The following ELMOD1 variants were observed in gnomAD, a reference collection of about 807,000 sequenced individuals.
The protein encoded by ELMOD1 is ELMO domain containing 1, also known as ELMO domain-containing protein 1.
In ELMOD1, 21 loss-of-function variants were observed where a neutral mutation model predicts 46.7. That is an observed-to-expected ratio of 0.45 (90% CI 0.32 to 0.65). ELMOD1 has a LOEUF of 0.65. Ranked by LOEUF, ELMOD1 falls within the 30% of genes least tolerant of loss-of-function variation. ELMOD1 has a pLI of 0.04. For synonymous variants in ELMOD1, 122 were observed against 138.2 expected (o/e 0.88, Z 0.82); for missense variants, 348 against 407.8 (o/e 0.85, Z 1.26).
intron 2 of ELMOD1, chr11:107,625,487 C>T (rs146199784): frequency 3.3e-4 from 323 of 985,394 alleles, no homozygotes; most frequent in Middle Eastern, 5.2e-4. Context: ...CAAAAGAAGA[C>T]GTCAGAGTCA....
chr11:107,640,984 C>T (rs1267973693), intron 6 of ELMOD1, among the ~76,000 whole-genome samples: 2 of 152,112 alleles, frequency 1.3e-5, no homozygotes, highest in Non-Finnish European at 2.9e-5. Flanking sequence ...TACAATATTT[C>T]TTCAGTCCTA....
intron 1 of ELMOD1, chr11:107,591,873 G>A (rs778948403): frequency 6.2e-6 from 3 of 484,492 alleles, no homozygotes; most frequent in African/African-American, 5.9e-5. Context: ...CGGGCTGCGG[G>A]GCCGCCGGAC....
intron 2 of ELMOD1, among the ~76,000 whole-genome samples, chr11:107,628,741 C>T (rs1866087404): frequency 6.6e-6 from 1 of 151,330 alleles, no homozygotes; most frequent in Non-Finnish European, 1.5e-5. Flanking sequence ...TCATTTTATA[C>T]ATCATAATTT....
chr11:107,661,140 G>C (rs1183854986), intron 11 of ELMOD1, among the ~76,000 whole-genome samples: 8 of 152,192 alleles, frequency 5.3e-5, no homozygotes. Flanking sequence ...TAGAGAAAGA[G>C]AGTCCCAGGG....
At chr11:107,664,379 T>G (rs920599051) in intron 11 of ELMOD1, among the ~76,000 whole-genome samples, 16 of 152,192 alleles carry the variant, frequency 1.1e-4, no homozygotes, top group Non-Finnish European at 1.9e-4. Flanking sequence ...ATCAAATACT[T>G]AACATTTATT....
Position 107,591,153 on chromosome 11 carries a change from C to T in ELMOD1, c.-342C>T, listed in dbSNP as rs1332479115. 2 of 153,468 alleles carry T rather than the reference C, an allele frequency of 1.3e-5. No individual in the cohort carries two copies. Among genetic ancestry groups the T allele is most frequent in the Non-Finnish European group, 2.9e-5 (2 of 69,174 alleles). 9.5% of individuals were successfully genotyped at this position (153,468 alleles called of 1,614,324 possible). A position where few individuals can be genotyped will look rare whatever the true frequency, so the allele number is the denominator to read the frequency against. On this transcript the variant is annotated 5_prime_UTR_variant, in exon 1 of 12. Transcript: ENST00000265840. ...GCCCTCCCCCGCTGCTCTCGGTCGC[C>T]TCCTCGCCGCCAGCCGCCCCGGGTG...
chr11:107,592,461 C>G (rs1221896964), intron 1 of ELMOD1: 1 of 534,206 alleles, frequency 1.9e-6, no homozygotes, highest in Non-Finnish European at 3.9e-6. Flanking sequence ...GGTGGCTTGA[C>G]AACCGTCCTT....
intron 2 of ELMOD1, chr11:107,625,422 T>C (rs1866024318): frequency 1.0e-6 from 1 of 984,634 alleles, no homozygotes; most frequent in African/African-American, 1.7e-5. Context: ...GAATTAACTT[T>C]CATTAGCACA....
intron 1 of ELMOD1, among the ~76,000 whole-genome samples, chr11:107,614,529 G>C (rs553155381): frequency 6.6e-6 from 1 of 152,120 alleles, no homozygotes; most frequent in Non-Finnish European, 1.5e-5. Flanking sequence ...AGTACAGACA[G>C]GGTTTCACCA....
intron 11 of ELMOD1, 63 bp from the exon 12 acceptor site, chr11:107,664,962 T>C: frequency 6.7e-7 from 1 of 1,482,618 alleles, no homozygotes; most frequent in Non-Finnish European, 9.2e-7. Context: ...TTCAGAATGA[T>C]TTTGAATGTG....
chr11:107,663,155 A>T (rs192174530), intron 11 of ELMOD1, among the ~76,000 whole-genome samples: 1 of 152,206 alleles, frequency 6.6e-6, no homozygotes, highest in Non-Finnish European at 1.5e-5. Flanking sequence ...GACAGAGGAG[A>T]TGGCTTCTGG....
At chr11:107,660,716 ATC>A (rs1386148259) in intron 11 of ELMOD1, among the ~76,000 whole-genome samples, 1 of 152,194 alleles carries the variant, frequency 6.6e-6, no homozygotes, top group Non-Finnish European at 1.5e-5. Flanking sequence ...GAGATGTAAT[ATC>A]TGTGTTACCT....
intron 5 of ELMOD1, 79 bp downstream of exon 5, chr11:107,631,756 C>CT (rs981637190): frequency 1.4e-3 from 929 of 656,482 alleles, no homozygotes; most frequent in South Asian, 2.8e-3. Flanking sequence ...TGTCTCCTCT[C>CT]TTTTTTTTTC....
chr11:107,665,260 C>A lies in ELMOD1; in HGVS notation c.*63C>A. 1 of 1,538,292 alleles carries A rather than the reference C, an allele frequency of 6.5e-7. No homozygotes were observed. The highest frequency in any genetic ancestry group is 8.9e-7 in the Non-Finnish European group (1 of 1,127,304). ...GCCTCATTGTCTTGTTAGATCTCTG[C>A]TTAGGTCGCAGCTCACGCATTGAAT... On this transcript the variant is annotated 3_prime_UTR_variant, in exon 12 of 12. Transcript: ENST00000265840.
intron 1 of ELMOD1, chr11:107,592,408 C>G (rs892963347): frequency 1.9e-6 from 1 of 534,466 alleles, no homozygotes; most frequent in Non-Finnish European, 3.8e-6. Context: ...GGGCAGGCAT[C>G]CAGGCATTGT....
At chr11:107,598,990 A>G (rs1209334727) in intron 1 of ELMOD1, among the ~76,000 whole-genome samples, 1 of 152,220 alleles carries the variant, frequency 6.6e-6, no homozygotes, top group Non-Finnish European at 1.5e-5. Context: ...AAAGGCACAA[A>G]AGGAAATGCT....
chr11:107,653,170 A>G (rs944938234), intron 9 of ELMOD1, among the ~76,000 whole-genome samples: 1 of 152,182 alleles, frequency 6.6e-6, no homozygotes, highest in Non-Finnish European at 1.5e-5. Context: ...AATAAAGGTT[A>G]CATCAGTCAC....
chr11:107,594,423 C>G (rs1476810179), intron 1 of ELMOD1, among the ~76,000 whole-genome samples: 1 of 151,980 alleles, frequency 6.6e-6, no homozygotes, highest in Non-Finnish European at 1.5e-5. Flanking sequence ...TAAATAGTTG[C>G]CAATGGGAAT....
At chr11:107,662,364 A>C (rs1866754493) in intron 11 of ELMOD1, among the ~76,000 whole-genome samples, 1 of 152,150 alleles carries the variant, frequency 6.6e-6, no homozygotes, top group Non-Finnish European at 1.5e-5. Context: ...TAATCCCAGC[A>C]TTTTGGGAGG....
Sources: allele counts gnomAD v4.1 joint callset (sites outside exome capture counted in the v4.1 genomes callset), GRCh38; gene constraint gnomAD v4.1.1; transcripts MANE v1.5; gene names NCBI Gene and HGNC (gene_info 2026-07-23, HGNC 2026-07-21).